Variants in WWOX observed in about 807,000 individuals in gnomAD.
The protein encoded by WWOX is WW domain-containing oxidoreductase.
In WWOX, 69 loss-of-function variants were observed where a neutral mutation model predicts 46.2. That is an observed-to-expected ratio of 1.49 (90% CI 1.23 to 1.82). The LOEUF (loss-of-function observed/expected upper bound fraction) is 1.82. Among genes scored for constraint, WWOX ranks in the 40% most tolerant of loss-of-function variants. The probability of loss-of-function intolerance (pLI) is 0.00; values close to 1 mark genes in which losing one functional copy is unlikely to be tolerated. For synonymous variants in WWOX, 359 were observed against 202.6 expected (o/e 1.77, Z -6.56); for missense variants, 919 against 542.6 (o/e 1.69, Z -6.89).
chr16:78,373,890 C>G (rs377398945), intron 5 of WWOX, among the ~76,000 whole-genome samples: 35 of 152,120 alleles, frequency 2.3e-4, no homozygotes, highest in African/African-American at 8.4e-4. Flanking sequence ...TGAGTTCAAG[C>G]AATCCTCCCA....
intron 8 of WWOX, among the ~76,000 whole-genome samples, chr16:78,664,939 T>C (rs1206941827): frequency 6.6e-6 from 1 of 152,234 alleles, no homozygotes; most frequent in African/African-American, 2.4e-5. Context: ...GTCAGCCTAA[T>C]AGCCTAAACC....
At chr16:78,613,882 C>T (rs1300611700) in intron 8 of WWOX, among the ~76,000 whole-genome samples, 1 of 152,170 alleles carries the variant, frequency 6.6e-6, no homozygotes, top group Non-Finnish European at 1.5e-5. Flanking sequence ...AAATTCACAG[C>T]CCATAGGCCA....
At chr16:78,826,281 G>T (rs2051654657) in intron 8 of WWOX, among the ~76,000 whole-genome samples, 1 of 152,206 alleles carries the variant, frequency 6.6e-6, no homozygotes, top group African/African-American at 2.4e-5. Flanking sequence ...GGGAGGTGGA[G>T]GTTGCAGTGA....
At chr16:78,298,415 C>G (rs934576993) in intron 5 of WWOX, among the ~76,000 whole-genome samples, 2 of 152,174 alleles carry the variant, frequency 1.3e-5, no homozygotes, top group African/African-American at 2.4e-5. Context: ...TATCCTGGCT[C>G]TGCCCCTCAA....
chr16:79,111,080 C>T (rs1474555524), intron 8 of WWOX, among the ~76,000 whole-genome samples: 3 of 152,160 alleles, frequency 2.0e-5, no homozygotes, highest in Admixed American at 2.0e-4. Flanking sequence ...CACAGAGAGT[C>T]ACAGATGCTT....
intron 4 of WWOX, among the ~76,000 whole-genome samples, chr16:78,147,450 G>A (rs561134832): frequency 8.5e-5 from 13 of 152,114 alleles, no homozygotes; most frequent in South Asian, 6.2e-4. Context: ...GAAAAGTTGC[G>A]TCTTAAAAAG....
At chr16:78,852,703 T>A (rs2052476465) in intron 8 of WWOX, among the ~76,000 whole-genome samples, 1 of 152,188 alleles carries the variant, frequency 6.6e-6, no homozygotes, top group African/African-American at 2.4e-5. Context: ...ACACCAATAT[T>A]AATACAGAGC....
chr16:78,927,099 G>T (rs577322311), intron 8 of WWOX, among the ~76,000 whole-genome samples: 1 of 152,280 alleles, frequency 6.6e-6, no homozygotes, highest in South Asian at 2.1e-4. Flanking sequence ...CCCTGCCCAG[G>T]CACCATTCTT....
intron 5 of WWOX, chr16:78,269,193 C>T (rs534774103): frequency 1.3e-5 from 2 of 152,240 alleles, no homozygotes; most frequent in South Asian, 4.2e-4. Flanking sequence ...GAGCTTCATG[C>T]GTAGTTTCTT....
chr16:79,194,103 A>C (rs189427452), intron 8 of WWOX, among the ~76,000 whole-genome samples: 21 of 152,272 alleles, frequency 1.4e-4, no homozygotes, highest in Middle Eastern at 3.4e-3. Context: ...GTGTACAAAG[A>C]AAGTTTAGAG....
chr16:78,630,279 G>C (rs1403677687), intron 8 of WWOX, among the ~76,000 whole-genome samples: 3 of 152,154 alleles, frequency 2.0e-5, no homozygotes, highest in Non-Finnish European at 1.5e-5. Context: ...ACAGCAGACT[G>C]TCGCAAGCTT....
intron 8 of WWOX, among the ~76,000 whole-genome samples, chr16:78,442,397 A>G (rs1187139268): frequency 6.6e-6 from 1 of 152,074 alleles, no homozygotes; most frequent in Non-Finnish European, 1.5e-5. Flanking sequence ...ATTCTGTCTA[A>G]CTGAAACTTA....
chr16:78,861,107 A>G (rs1257384387), intron 8 of WWOX, among the ~76,000 whole-genome samples: 1 of 152,100 alleles, frequency 6.6e-6, no homozygotes, highest in Non-Finnish European at 1.5e-5. Flanking sequence ...GGTGTGAGCC[A>G]CTGTGCACAG....
chr16:78,887,545 C>G (rs965361693), intron 8 of WWOX, among the ~76,000 whole-genome samples: 4 of 150,932 alleles, frequency 2.7e-5, no homozygotes, highest in Admixed American at 6.6e-5. Flanking sequence ...CACCTCAACA[C>G]CCTTCCAAAA....
At chr16:79,075,774 A>C (rs1451034120) in intron 8 of WWOX, among the ~76,000 whole-genome samples, 6 of 152,132 alleles carry the variant, frequency 3.9e-5, no homozygotes, top group Non-Finnish European at 8.8e-5. Context: ...CAAGTAAGGT[A>C]ATGGAAGCAA....
intron 8 of WWOX, among the ~76,000 whole-genome samples, chr16:78,862,420 A>G (rs1417941814): frequency 6.6e-6 from 1 of 151,764 alleles, no homozygotes; most frequent in East Asian, 1.9e-4. Flanking sequence ...TACACTGTGT[A>G]CTAATACAGT....
intron 8 of WWOX, among the ~76,000 whole-genome samples, chr16:78,727,879 A>C (rs1053931014): frequency 1.3e-5 from 2 of 151,994 alleles, no homozygotes; most frequent in African/African-American, 2.4e-5. Context: ...CTAAACTCTT[A>C]GTAGTTATCC....
At chr16:79,031,580 C>CAT (rs1455965719) in intron 8 of WWOX, among the ~76,000 whole-genome samples, 3 of 151,722 alleles carry the variant, frequency 2.0e-5, no homozygotes, top group Non-Finnish European at 2.9e-5. Context: ...TTGATCTGGG[C>CAT]ATATGTGGAA....
At chr16:79,163,006 A>G (rs1244835257) in intron 8 of WWOX, among the ~76,000 whole-genome samples, 1 of 152,228 alleles carries the variant, frequency 6.6e-6, no homozygotes, top group African/African-American at 2.4e-5. Flanking sequence ...GTTTAGAGAA[A>G]GCGCCTTTCA....
Sources: gnomAD v4.1 joint callset for allele counts (sites outside exome capture counted in the v4.1 genomes callset) on GRCh38, gnomAD v4.1.1 for gene constraint, MANE v1.5 for transcripts, NCBI Gene and HGNC (gene_info 2026-07-23, HGNC 2026-07-21) for gene names.